NCAM1: variants seen among roughly 807,000 people sequenced by gnomAD.
NCAM1 encodes antigen recognized by monoclonal antibody 5.1H11.
A neutral mutation model predicts 109.8 loss-of-function variants in NCAM1; 14 were observed. The observed-to-expected ratio is 0.13, with a 90% CI of 0.08 to 0.20. The LOEUF (loss-of-function observed/expected upper bound fraction) is 0.20, where lower values mean the gene tolerates loss of function less well. NCAM1 is among the 10% of genes least tolerant of loss of function. The pLI, the probability that NCAM1 is intolerant of heterozygous loss-of-function variation, is 1.00. For missense variants in NCAM1, 774 were observed against 1,109.9 expected (o/e 0.70, Z 4.30); for synonymous variants, 418 against 442.9 (o/e 0.94, Z 0.70).
intron 1 of NCAM1, among the ~76,000 whole-genome samples, chr11:113,197,415 C>T (rs1943889447): frequency 6.6e-6 from 1 of 152,194 alleles, no homozygotes; most frequent in Admixed American, 6.5e-5. Flanking sequence ...AGGCTCATTT[C>T]TAGAATGATA....
At chr11:113,184,908 C>A (rs1943452377) in intron 1 of NCAM1, among the ~76,000 whole-genome samples, 1 of 151,906 alleles carries the variant, frequency 6.6e-6, no homozygotes, top group Non-Finnish European at 1.5e-5. Flanking sequence ...GATTGCAAGT[C>A]ATATCTACTT....
At chr11:113,142,852 T>C (rs991648310) in intron 1 of NCAM1, among the ~76,000 whole-genome samples, 5 of 152,260 alleles carry the variant, frequency 3.3e-5, no homozygotes, top group Admixed American at 2.6e-4. Context: ...CAGTTTTTAC[T>C]GTAAATTTTC....
chr11:113,188,532 C>T (rs1447524632), intron 1 of NCAM1, among the ~76,000 whole-genome samples: 2 of 152,170 alleles, frequency 1.3e-5, no homozygotes, highest in Non-Finnish European at 2.9e-5. Flanking sequence ...TGCATGAACT[C>T]CTTATTTAAA....
intron 14 of NCAM1, chr11:113,236,445 AC>A: frequency 1.1e-6 from 1 of 930,966 alleles, no homozygotes; most frequent in Non-Finnish European, 1.7e-6. Flanking sequence ...CTGGGCCCTA[AC>A]CACACTGACC....
intron 1 of NCAM1, among the ~76,000 whole-genome samples, chr11:113,152,160 G>A (rs1243688362): frequency 6.6e-6 from 1 of 152,214 alleles, no homozygotes; most frequent in African/African-American, 2.4e-5. Flanking sequence ...CTGGGGTGCT[G>A]CAAAGTTGCT....
At chr11:113,078,653 C>G (rs550987766) in intron 1 of NCAM1, among the ~76,000 whole-genome samples, 4 of 152,198 alleles carry the variant, frequency 2.6e-5, no homozygotes, top group Admixed American at 2.6e-4. Context: ...GAGGAAGGGT[C>G]TTCTGGAAGC....
chr11:113,260,473 A>G (rs1237328905), intron 17 of NCAM1, 150 bp downstream of exon 17: 1 of 854,092 alleles, frequency 1.2e-6, no homozygotes, highest in Admixed American at 2.8e-5. Flanking sequence ...TTTGCCTTGT[A>G]CCTATCTGTG....
intron 1 of NCAM1, among the ~76,000 whole-genome samples, chr11:112,994,779 A>G (rs1951549400): frequency 6.6e-6 from 1 of 152,180 alleles, no homozygotes; most frequent in African/African-American, 2.4e-5. Flanking sequence ...TATTTTCTAC[A>G]GAGTTTCTTT....
At chr11:113,220,913 G>T (rs1397505159) in intron 8 of NCAM1, among the ~76,000 whole-genome samples, 1 of 152,008 alleles carries the variant, frequency 6.6e-6, no homozygotes, top group East Asian at 1.9e-4. Flanking sequence ...CCGGCCAGAG[G>T]AGACCTACTC....
intron 1 of NCAM1, among the ~76,000 whole-genome samples, chr11:113,196,342 G>C (rs1448845415): frequency 6.6e-6 from 1 of 152,174 alleles, no homozygotes; most frequent in African/African-American, 2.4e-5. Context: ...TTTTATATCT[G>C]AGATGTTCTG....
At chr11:113,105,831 G>A (rs1332553593) in intron 1 of NCAM1, among the ~76,000 whole-genome samples, 6 of 152,224 alleles carry the variant, frequency 3.9e-5, no homozygotes, top group African/African-American at 9.6e-5. Context: ...AATTAGTGGC[G>A]CTGGTTGCCC....
At chr11:113,270,465 C>T in intron 18 of NCAM1, 70 bp downstream of exon 18, 1 of 1,416,788 alleles carries the variant, frequency 7.1e-7, no homozygotes, top group Non-Finnish European at 9.9e-7. Context: ...GCAGCTGCAC[C>T]ACCCTGCGCC....
At position 113,107,566 on chromosome 11, in the gene NCAM1, G is replaced by A. The variant is rs943150346; in HGVS notation, c.53-94813G>A. ...GAGACCTCACAATCATGGTGGAAGG[G>A]GAAAGGCATTTCTTATGTGCTGACA... is the stretch of plus-strand genomic sequence containing the variant. On this transcript the variant is annotated intron_variant, in intron 1 of 19. Coordinates refer to ENST00000316851, the MANE Select transcript of NCAM1 (RefSeq NM_181351.5). Among the ~76,000 whole-genome samples, 4 of 152,112 alleles carry A rather than the reference G, an allele frequency of 2.6e-5. No homozygotes were observed. In the South Asian group the frequency reaches 8.3e-4, roughly 32 times the overall value.
intron 1 of NCAM1, among the ~76,000 whole-genome samples, chr11:113,063,104 C>T (rs1166440972): frequency 3.3e-5 from 5 of 152,148 alleles, no homozygotes; most frequent in Non-Finnish European, 4.4e-5. Context: ...CTGAAGCAGC[C>T]GGAGGGACCA....
At chr11:112,970,517 T>C (rs1354850569) in intron 1 of NCAM1, among the ~76,000 whole-genome samples, 2 of 152,158 alleles carry the variant, frequency 1.3e-5, no homozygotes, top group Non-Finnish European at 1.5e-5. Context: ...AAGGACACCA[T>C]TGGGCTTAGA....
intron 1 of NCAM1, among the ~76,000 whole-genome samples, chr11:112,977,160 C>T (rs1555067834): frequency 6.6e-6 from 1 of 151,092 alleles, no homozygotes; most frequent in African/African-American, 2.4e-5. Context: ...ATTAGAGATG[C>T]TTCTTAAATG....
chr11:113,171,651 A>G (rs1458699616), intron 1 of NCAM1, among the ~76,000 whole-genome samples: 1 of 151,446 alleles, frequency 6.6e-6, no homozygotes, highest in African/African-American at 2.4e-5. Flanking sequence ...AAATAAATAA[A>G]TAAATAAATA....
chr11:113,272,034 A>G (rs947702799), intron 19 of NCAM1, among the ~76,000 whole-genome samples, 158 bp downstream of exon 19: 16 of 151,784 alleles, frequency 1.1e-4, no homozygotes, highest in African/African-American at 3.9e-4. Flanking sequence ...TTGGCTGAGA[A>G]ATGCCTGACC....
Position 113,008,474 on chromosome 11 carries a change from C to T in NCAM1, c.52+46810C>T, listed in dbSNP as rs569908185. 7.9e-5 allele frequency among the ~76,000 whole-genome samples: 12 copies of T among 152,300 alleles called. 1 individual carries two copies. The South Asian group carries it at 2.5e-3, about 32-fold the overall frequency. Reference sequence around the variant, plus strand: ...TCAGCCGTGGAAATATTTTAGTGGTCCACATGTCTAATTTTATTTCCTGCA... The same window carrying T: ...TCAGCCGTGGAAATATTTTAGTGGTTCACATGTCTAATTTTATTTCCTGCA... On this transcript the variant is annotated intron_variant, in intron 1 of 19. Transcript: ENST00000316851.
Sources: allele counts gnomAD v4.1 joint callset (sites outside exome capture counted in the v4.1 genomes callset), GRCh38; gene constraint gnomAD v4.1.1; transcripts MANE v1.5; gene names NCBI Gene and HGNC (gene_info 2026-07-23, HGNC 2026-07-21).